CENPF: variants seen among roughly 807,000 people sequenced by gnomAD.
CENPF encodes AH antigen.
Under a neutral mutation model 307.3 loss-of-function variants are expected in CENPF, and 214 were observed. The observed-to-expected ratio is 0.70, with a 90% CI of 0.62 to 0.78. The LOEUF (loss-of-function observed/expected upper bound fraction) is 0.78. CENPF is among the 30% of genes least tolerant of loss of function. The pLI, the probability that CENPF is intolerant of heterozygous loss-of-function variation, is 0.00. For synonymous variants in CENPF, 1,259 were observed against 1,270.6 expected, an observed-to-expected ratio of 0.99 and a Z score of 0.19; for missense variants, 3,401 against 3,483.9, an observed-to-expected ratio of 0.98 and a Z score of 0.60.
chr1:214,650,095 G>A (rs1270486886), intron 14 of CENPF, among the ~76,000 whole-genome samples: 1 of 152,084 alleles, frequency 6.6e-6, no homozygotes, highest in African/African-American at 2.4e-5. Flanking sequence ...GGGATATCAG[G>A]GTAGGAAACA....
At chr1:214,609,280 A>G (rs534525100) in intron 1 of CENPF, among the ~76,000 whole-genome samples, 8 of 152,216 alleles carry the variant, frequency 5.3e-5, no homozygotes, top group African/African-American at 1.9e-4. Context: ...GCATGACTTT[A>G]CCACCTTTTG....
chr1:214,621,212 A>T (rs1399536703), intron 6 of CENPF, among the ~76,000 whole-genome samples: 2 of 152,202 alleles, frequency 1.3e-5, no homozygotes, highest in Non-Finnish European at 2.9e-5. Flanking sequence ...ATCTTTCCAG[A>T]TGCAGGGCGA....
At chr1:214,628,601 C>A (rs6656944) in intron 7 of CENPF, among the ~76,000 whole-genome samples, 1 of 152,196 alleles carries the variant, frequency 6.6e-6, no homozygotes, top group Admixed American at 6.5e-5. Context: ...AGCGCCACCA[C>A]ACCCGGCTAA....
In CENPF at chr1:214,646,274, C is replaced by T; in HGVS notation, c.6704C>T (p.Ser2235Leu). The change falls in exon 13 of 20, where the codon TCA becomes TTA. Residue 2235 changes from serine (S) to leucine (L), a missense_variant. Transcript: ENST00000366955. Reference sequence around the variant, plus strand: ...TCAGAACTAGACAAGTTACTCTCTTCATTTAAAAGTCTGTTAGAAGAAAAG... The same window carrying T: ...TCAGAACTAGACAAGTTACTCTCTTTATTTAAAAGTCTGTTAGAAGAAAAG... Reference protein sequence around the residue: ...QLSELDKLLSSFKSLLEEKEQ... With the variant: ...QLSELDKLLSLFKSLLEEKEQ... The T allele has an allele frequency of 1.2e-6, 2 of 1,614,020 alleles. No homozygotes were observed. Among genetic ancestry groups the T allele is most frequent in the Non-Finnish European group, 1.7e-6 (2 of 1,179,996 alleles).
chr1:214,642,391 T>G lies in CENPF; in HGVS notation c.4053T>G (p.Asp1351Glu). ...KLLNEVKILNDDSGLLHGELV... is the reference protein window; with the variant it reads ...KLLNEVKILNEDSGLLHGELV... ...TAAATGAAGTTAAAATATTAAATGATGACAGTGGTCTTCTCCATGGTGAGT... is the reference window on the plus strand; with the variant it reads ...TAAATGAAGTTAAAATATTAAATGAGGACAGTGGTCTTCTCCATGGTGAGT... The change falls in exon 12 of 20, where the codon GAT becomes GAG. Residue 1351 changes from aspartate (D) to glutamate (E), a missense_variant. Coordinates refer to ENST00000366955, the MANE Select transcript of CENPF (RefSeq NM_016343.4). 6.2e-7 allele frequency: 1 copy of G among 1,607,904 alleles called. No homozygotes were observed. Among genetic ancestry groups the G allele is most frequent in the Non-Finnish European group, 8.5e-7 (1 of 1,177,668 alleles).
At chr1:214,626,192 C>T (rs1475159085) in intron 7 of CENPF, among the ~76,000 whole-genome samples, 1 of 152,118 alleles carries the variant, frequency 6.6e-6, no homozygotes, top group Non-Finnish European at 1.5e-5. Context: ...ATTTTCTTTT[C>T]ATTCCTGAAG....
intron 16 of CENPF, 124 bp from the exon 17 acceptor site, chr1:214,655,117 G>A: frequency 1.7e-6 from 1 of 596,768 alleles, no homozygotes. Flanking sequence ...ATCTTTAGAT[G>A]TTTTGTATTG....
At chr1:214,618,742 G>T (rs371675100) in intron 4 of CENPF, 48 bp downstream of exon 4, 7 of 1,546,246 alleles carry the variant, frequency 4.5e-6, no homozygotes, top group African/African-American at 4.2e-5. Context: ...TTTAGCTTGA[G>T]ATTTTAATTC....
At chr1:214,610,044 T>G (rs1275466406) in intron 1 of CENPF, among the ~76,000 whole-genome samples, 2 of 145,170 alleles carry the variant, frequency 1.4e-5, no homozygotes, top group African/African-American at 5.1e-5. Flanking sequence ...TTTTGGTAGA[T>G]AAGGGATTTT....
In CENPF at chr1:214,652,998, A is replaced by T. The variant is rs767226295; in HGVS notation, c.8322+9A>T. 1.3e-5 allele frequency: 21 copies of T among 1,598,062 alleles called. 1 individual carries two copies. The East Asian group carries it at 4.5e-4, about 34-fold the overall frequency. On this transcript the variant is annotated intron_variant, in intron 16 of 19. Coordinates refer to ENST00000366955, the MANE Select transcript of CENPF (RefSeq NM_016343.4). ...AATTGAAGAAAACCAAGGTATGTTC[A>T]CTTTAATTTGCTTCATGATTTCGAA... is the stretch of plus-strand genomic sequence containing the variant.
rs773841016 is a variant in CENPF, at chr1:214,645,816, A to C, written c.6246A>C (p.Ser2082=). The change falls in exon 13 of 20, where the codon TCA becomes TCC. Residue 2082 remains serine, a synonymous_variant. Coordinates refer to ENST00000366955, the MANE Select transcript of CENPF (RefSeq NM_016343.4). The part of the protein sequence containing the change: ...SESLQARLSE[S]DYEKLNVSKA... ...GCCTGCAGGCCAGACTGAGTGAATC[A>C]GATTATGAAAAGCTGAATGTCTCCA... The C allele has an allele frequency of 1.9e-6, 3 of 1,614,104 alleles. No homozygotes were observed. Among genetic ancestry groups the C allele is most frequent in the African/African-American group, 2.7e-5 (2 of 74,948 alleles).
At chr1:214,608,684 A>C in intron 1 of CENPF, 2 of 1,596,910 alleles carry the variant, frequency 1.3e-6, no homozygotes, top group Non-Finnish European at 1.7e-6. Context: ...AGGGTCCCCA[A>C]GGGGGCGGCC....
chr1:214,627,179 C>T (rs1657677391), intron 7 of CENPF, among the ~76,000 whole-genome samples: 1 of 151,962 alleles, frequency 6.6e-6, no homozygotes, highest in Non-Finnish European at 1.5e-5. Context: ...TCCACCTCAG[C>T]CTCCCTAGTA....
chr1:214,606,767 G>GGTCACT (rs1215083538), intron 1 of CENPF, among the ~76,000 whole-genome samples: 1 of 151,846 alleles, frequency 6.6e-6, no homozygotes, highest in Non-Finnish European at 1.5e-5. Flanking sequence ...CCCACCCCCA[G>GGTCACT]GTCACTGGTG....
chr1:214,656,014 C>T (rs933132055), intron 17 of CENPF, among the ~76,000 whole-genome samples: 14 of 152,094 alleles, frequency 9.2e-5, no homozygotes, highest in Admixed American at 3.9e-4. Flanking sequence ...TGTCCAGTTA[C>T]GTGGTTTCTT....
chr1:214,645,816 A>G lies in CENPF; in HGVS notation c.6246A>G (p.Ser2082=), dbSNP rs773841016. The G allele has an allele frequency of 4.0e-5, 64 of 1,614,222 alleles. No homozygotes were observed. The highest frequency in any genetic ancestry group is 5.4e-5 in the Non-Finnish European group (64 of 1,180,034). ...SESLQARLSE[S]DYEKLNVSKA... ...GCCTGCAGGCCAGACTGAGTGAATC[A>G]GATTATGAAAAGCTGAATGTCTCCA... Residue 2082 remains serine (S), a synonymous_variant, in exon 13 of 20, where the codon TCA becomes TCG. Transcript: ENST00000366955.
At chr1:214,630,203 G>T (rs1207980442) in intron 8 of CENPF, among the ~76,000 whole-genome samples, 1 of 152,102 alleles carries the variant, frequency 6.6e-6, no homozygotes, top group African/African-American at 2.4e-5. Context: ...GTTGAGCTTT[G>T]ACTGTTGTAG....
intron 12 of CENPF, 116 bp downstream of exon 12, chr1:214,643,440 A>C: frequency 1.0e-6 from 1 of 955,088 alleles, no homozygotes; most frequent in Non-Finnish European, 1.4e-6. Context: ...TTTAGGGTTC[A>C]AGGAAATAAA....
At chr1:214,652,591 C>G (rs1264900234) in intron 15 of CENPF, among the ~76,000 whole-genome samples, 1 of 150,800 alleles carries the variant, frequency 6.6e-6, no homozygotes. Flanking sequence ...TTATAGGCGC[C>G]TGCCACCACG....
Sources: allele counts gnomAD v4.1 joint callset (sites outside exome capture counted in the v4.1 genomes callset), GRCh38; gene constraint gnomAD v4.1.1; transcripts MANE v1.5; gene names NCBI Gene and HGNC (gene_info 2026-07-23, HGNC 2026-07-21).